ITGA1: variants seen among roughly 807,000 people sequenced by gnomAD.
ITGA1 encodes integrin alpha-1.
ITGA1 carries 85 observed loss-of-function variants against 145.9 expected under a neutral mutation model. The ratio of observed to expected loss-of-function variants is 0.58; its 90% CI spans 0.49 to 0.70. ITGA1 has a LOEUF of 0.70. ITGA1 is among the 30% of genes least tolerant of loss of function. The probability of loss-of-function intolerance (pLI) is 0.00; values close to 1 mark genes in which losing one functional copy is unlikely to be tolerated. For missense variants in ITGA1, 1,351 were observed against 1,418.7 expected (o/e 0.95, Z 0.77); for synonymous variants, 520 against 495.3 (o/e 1.05, Z -0.66).
intron 11 of ITGA1, among the ~76,000 whole-genome samples, chr5:52,898,694 G>T (rs1750269437): frequency 6.6e-6 from 1 of 152,064 alleles, no homozygotes. Flanking sequence ...GGAGAACTTT[G>T]AACCTGGTGG....
chr5:52,807,672 A>G (rs1748613299), intron 1 of ITGA1, among the ~76,000 whole-genome samples: 1 of 152,346 alleles, frequency 6.6e-6, no homozygotes, highest in South Asian at 2.1e-4. Flanking sequence ...ATGAAAAATC[A>G]GGAACTCAAT....
chr5:52,844,923 TACTC>T (rs1480280245), intron 1 of ITGA1, among the ~76,000 whole-genome samples: 1 of 152,210 alleles, frequency 6.6e-6, no homozygotes, highest in Non-Finnish European at 1.5e-5. Context: ...TTTTACTGTT[TACTC>T]ACTCCTTTAA....
intron 1 of ITGA1, among the ~76,000 whole-genome samples, chr5:52,830,794 A>G (rs1001315096): frequency 1.3e-5 from 2 of 152,200 alleles, no homozygotes; most frequent in Admixed American, 6.6e-5. Context: ...CATACTTTCC[A>G]TCTATACGCC....
intron 1 of ITGA1, among the ~76,000 whole-genome samples, chr5:52,806,844 T>C (rs1748596221): frequency 6.6e-6 from 1 of 152,210 alleles, no homozygotes. Flanking sequence ...CCTTTGTGTG[T>C]AGTATTATAG....
chr5:52,908,642 A>G (rs1194183789), intron 12 of ITGA1, among the ~76,000 whole-genome samples: 2 of 152,220 alleles, frequency 1.3e-5, no homozygotes, highest in Non-Finnish European at 2.9e-5. Flanking sequence ...AGTGAAATCT[A>G]AAGAAATTCA....
At chr5:52,800,388 C>G (rs1748443405) in intron 1 of ITGA1, 2 of 1,613,734 alleles carry the variant, frequency 1.2e-6, no homozygotes, top group East Asian at 4.5e-5. Context: ...GAGCCCCTTC[C>G]TTGGCCATGA....
chr5:52,911,118 G>C (rs1029516574), intron 14 of ITGA1, among the ~76,000 whole-genome samples: 34 of 134,706 alleles, frequency 2.5e-4, no homozygotes, highest in Admixed American at 9.3e-4. Flanking sequence ...ATAGTATATA[G>C]TGTATATATA....
At chr5:52,875,450 CT>C (rs1363057740) in intron 6 of ITGA1, among the ~76,000 whole-genome samples, 18 of 152,202 alleles carry the variant, frequency 1.2e-4, no homozygotes, top group Middle Eastern at 3.4e-3. Context: ...CTGAATCAGC[CT>C]TTAGGTCTCT....
chr5:52,936,429 C>T (rs1004523134), intron 23 of ITGA1, among the ~76,000 whole-genome samples: 6 of 152,158 alleles, frequency 3.9e-5, no homozygotes, highest in African/African-American at 1.4e-4. Flanking sequence ...TTTACAAACC[C>T]AGGAAACTGC....
chr5:52,952,337 T>C (rs1019905183), intron 28 of ITGA1, 70 bp from the exon 29 acceptor site: 4 of 778,862 alleles, frequency 5.1e-6, no homozygotes, highest in African/African-American at 1.8e-5. Context: ...TTTAATTCTA[T>C]CCAAAGGATT....
intron 8 of ITGA1, among the ~76,000 whole-genome samples, chr5:52,890,931 T>C (rs1048632132): frequency 2.6e-5 from 4 of 152,168 alleles, no homozygotes; most frequent in Admixed American, 2.6e-4. Context: ...AGTATGTCTA[T>C]GAGATCCACA....
chr5:52,937,252 C>T (rs965404244), intron 23 of ITGA1, 149 bp from the exon 24 acceptor site: 5 of 613,826 alleles, frequency 8.1e-6, no homozygotes, highest in African/African-American at 7.4e-5. Context: ...TGCCAATTCT[C>T]TGTACAGCAC....
intron 9 of ITGA1, among the ~76,000 whole-genome samples, chr5:52,894,954 C>G (rs993123134): frequency 1.3e-5 from 2 of 152,012 alleles, no homozygotes; most frequent in Non-Finnish European, 2.9e-5. Flanking sequence ...TTGAGTGTGA[C>G]TCACGATAAT....
chr5:52,820,292 A>G (rs1442109526), intron 1 of ITGA1, among the ~76,000 whole-genome samples: 3 of 143,900 alleles, frequency 2.1e-5, no homozygotes, highest in East Asian at 4.2e-4. Flanking sequence ...CAAACACCAC[A>G]TGTTCTCACT....
At chr5:52,929,520 A>G (rs1380725192) in intron 20 of ITGA1, 105 bp from the exon 21 acceptor site, 1 of 656,634 alleles carries the variant, frequency 1.5e-6, no homozygotes. Context: ...ATGTTTCTCA[A>G]ATAACTTCAT....
rs112042351 is a variant in ITGA1, at chr5:52,905,876, A to G, written c.1423A>G (p.Ile475Val). The change falls in exon 12 of 29, where the codon ATC becomes GTC. Residue 475 changes from isoleucine (I) to valine (V), a missense_variant. By Grantham distance (29) the Ile-to-Val change is conservative. Transcript: ENST00000282588. Reference protein sequence around the residue: ...VIIYRMEDGNIKILQTLSGEQ... With the variant: ...VIIYRMEDGNVKILQTLSGEQ... The stretch of plus-strand genomic sequence containing the variant: ...TATCTACAGGATGGAAGATGGAAAC[A>G]TCAAAATTCTCCAGACGCTCAGTGG... 6.2e-7 allele frequency: 1 copy of G among 1,613,458 alleles called. No homozygotes were observed. The highest frequency in any genetic ancestry group is 8.5e-7 in the Non-Finnish European group (1 of 1,179,578).
chr5:52,943,814 C>A (rs1353297994), intron 26 of ITGA1, among the ~76,000 whole-genome samples: 3 of 152,168 alleles, frequency 2.0e-5, no homozygotes, highest in African/African-American at 7.2e-5. Context: ...TAGATCTCAG[C>A]TTGGTACTCC....
rs1751113899 is a variant in ITGA1 at position 52,945,031 on chromosome 5, G to A, written c.3374G>A (p.Arg1125Lys). Residue 1125 changes from arginine to lysine, a missense_variant, in exon 27 of 29, where the codon AGA becomes AAA. By Grantham distance (26) the Arg-to-Lys change is conservative (BLOSUM62 2). Coordinates refer to ENST00000282588, the MANE Select transcript of ITGA1 (RefSeq NM_181501.2). ...GTTTTAAGTAGCAGCAATCAAAAAA[G>A]AGAGGTAAGTGCAACATGAGTTTTG... ...SLVLSSSNQK[R>K]ELAIQISKDG... 2.5e-6 allele frequency: 4 copies of A among 1,608,552 alleles called. No homozygotes were observed. Among genetic ancestry groups the A allele is most frequent in the South Asian group, 1.1e-5 (1 of 90,948 alleles).
intron 6 of ITGA1, among the ~76,000 whole-genome samples, chr5:52,878,557 G>A (rs1399481960): frequency 6.6e-6 from 1 of 152,176 alleles, no homozygotes; most frequent in Non-Finnish European, 1.5e-5. Context: ...TGTTAAGTTG[G>A]CATCTCTTCA....
Sources: allele counts gnomAD v4.1 joint callset (sites outside exome capture counted in the v4.1 genomes callset), GRCh38; gene constraint gnomAD v4.1.1; transcripts MANE v1.5; gene names NCBI Gene and HGNC (gene_info 2026-07-23, HGNC 2026-07-21).